Variants in NRXN1 observed in about 807,000 individuals in gnomAD.
NRXN1 encodes the protein neurexin 1.
NRXN1 carries 39 observed loss-of-function variants against 150.9 expected under a neutral mutation model. That is an observed-to-expected ratio of 0.26 (90% CI 0.20 to 0.34). NRXN1 has a LOEUF of 0.34. NRXN1 is among the 10% of genes least tolerant of loss of function. The probability of loss-of-function intolerance (pLI) is 1.00; values close to 1 mark genes in which losing one functional copy is unlikely to be tolerated. For missense variants in NRXN1, 1,815 were observed against 1,949.9 expected (o/e 0.93, Z 1.30); for synonymous variants, 924 against 757.0 (o/e 1.22, Z -3.62).
At chr2:50,216,300 G>A (rs532117436) in intron 18 of NRXN1, among the ~76,000 whole-genome samples, 1 of 152,006 alleles carries the variant, frequency 6.6e-6, no homozygotes, top group African/African-American at 2.4e-5. Context: ...ACATCTTAAT[G>A]TTTATAATTT....
At chr2:50,009,690 C>T (rs1018182621) in intron 21 of NRXN1, among the ~76,000 whole-genome samples, 3 of 152,124 alleles carry the variant, frequency 2.0e-5, no homozygotes, top group Non-Finnish European at 4.4e-5. Context: ...AAGAAAATTA[C>T]ACAGTACAGT....
At chr2:50,417,665 G>C (rs149320732) in intron 17 of NRXN1, among the ~76,000 whole-genome samples, 24 of 151,936 alleles carry the variant, frequency 1.6e-4, no homozygotes, top group African/African-American at 5.8e-4. Context: ...CCCTGTTAAA[G>C]CACATAGGAA....
chr2:50,780,216 G>A (rs1486068454), intron 5 of NRXN1, among the ~76,000 whole-genome samples: 5 of 152,004 alleles, frequency 3.3e-5, no homozygotes, highest in African/African-American at 1.2e-4. Flanking sequence ...TTGTAAATTT[G>A]TTTAAGTTCC....
chr2:50,989,295 T>C (rs1169377509), intron 2 of NRXN1, among the ~76,000 whole-genome samples: 3 of 151,960 alleles, frequency 2.0e-5, no homozygotes, highest in African/African-American at 7.2e-5. Context: ...ACATTCAATA[T>C]TTGAGTGAGA....
At chr2:50,599,129 C>T (rs1675821704) in intron 8 of NRXN1, among the ~76,000 whole-genome samples, 1 of 152,108 alleles carries the variant, frequency 6.6e-6, no homozygotes, top group South Asian at 2.1e-4. Flanking sequence ...TCACAAAAAC[C>T]GTATCTGTAG....
At chr2:50,595,583 G>A (rs1195865450) in intron 8 of NRXN1, among the ~76,000 whole-genome samples, 1 of 152,122 alleles carries the variant, frequency 6.6e-6, no homozygotes, top group Non-Finnish European at 1.5e-5. Context: ...TATGAGTGTG[G>A]CAAGTCCTCC....
chr2:50,690,789 T>C (rs560811092), intron 5 of NRXN1, among the ~76,000 whole-genome samples: 3 of 152,314 alleles, frequency 2.0e-5, no homozygotes, highest in East Asian at 1.9e-4. Flanking sequence ...AGATAAAATA[T>C]GTTAAGTACT....
chr2:50,916,051 G>C (rs530775585), intron 5 of NRXN1, among the ~76,000 whole-genome samples: 10 of 145,200 alleles, frequency 6.9e-5, no homozygotes, highest in Middle Eastern at 3.4e-3. Flanking sequence ...CGGCATTCTA[G>C]ATAAAAATCT....
intron 5 of NRXN1, among the ~76,000 whole-genome samples, chr2:50,638,552 T>C (rs115816040): frequency 0.012 from 1,847 of 152,304 alleles, 41 homozygotes; most frequent in African/African-American, 0.042. Context: ...CTCTTGAATA[T>C]GTAGTTATAA....
intron 8 of NRXN1, among the ~76,000 whole-genome samples, chr2:50,573,810 T>G (rs1232365969): frequency 2.0e-5 from 3 of 151,782 alleles, no homozygotes; most frequent in Non-Finnish European, 2.9e-5. Context: ...CTGTAACAAC[T>G]ATTTACATGG....
chr2:50,648,728 G>C (rs1685163299), intron 5 of NRXN1, among the ~76,000 whole-genome samples: 1 of 151,956 alleles, frequency 6.6e-6, no homozygotes, highest in African/African-American at 2.4e-5. Context: ...ACCCTAAATG[G>C]ATTTGGGTTC....
At chr2:50,842,906 C>T (rs1228335892) in intron 5 of NRXN1, among the ~76,000 whole-genome samples, 1 of 152,096 alleles carries the variant, frequency 6.6e-6, no homozygotes, top group African/African-American at 2.4e-5. Context: ...CTTAAGATTA[C>T]AGAATAGGAT....
chr2:50,588,032 C>G (rs1036372165), intron 8 of NRXN1, among the ~76,000 whole-genome samples: 1 of 152,126 alleles, frequency 6.6e-6, no homozygotes, highest in African/African-American at 2.4e-5. Context: ...GGCATTTTAT[C>G]TGTTAGCTAA....
At chr2:50,729,012 C>T (rs1015301130) in intron 5 of NRXN1, among the ~76,000 whole-genome samples, 1 of 151,856 alleles carries the variant, frequency 6.6e-6, no homozygotes, top group African/African-American at 2.4e-5. Context: ...TTTTTTTCCC[C>T]TGCATCAAAA....
At chr2:50,238,620 A>G (rs1014036939) in intron 17 of NRXN1, among the ~76,000 whole-genome samples, 47 of 152,102 alleles carry the variant, frequency 3.1e-4, no homozygotes, top group African/African-American at 1.2e-4. Flanking sequence ...ATGATTACCA[A>G]GTTTACCAGT....
chr2:50,430,006 T>C (rs1211250586), intron 17 of NRXN1, among the ~76,000 whole-genome samples: 4 of 152,270 alleles, frequency 2.6e-5, no homozygotes, highest in African/African-American at 9.6e-5. Flanking sequence ...TAAAACAGAA[T>C]ACACTCTGTC....
intron 2 of NRXN1, among the ~76,000 whole-genome samples, chr2:50,940,506 C>G (rs1254646340): frequency 6.7e-6 from 1 of 150,294 alleles, no homozygotes; most frequent in Admixed American, 6.6e-5. Context: ...AAAAGAAAAC[C>G]AAAGGCCACA....
At chr2:50,809,714 G>C (rs1667962592) in intron 5 of NRXN1, among the ~76,000 whole-genome samples, 1 of 152,130 alleles carries the variant, frequency 6.6e-6, no homozygotes, top group African/African-American at 2.4e-5. Context: ...GGGGATGACA[G>C]TTTATTGTGA....
intron 8 of NRXN1, among the ~76,000 whole-genome samples, chr2:50,563,270 T>C (rs185253136): frequency 6.6e-6 from 1 of 152,334 alleles, no homozygotes; most frequent in Admixed American, 6.5e-5. Context: ...TTACAATTAT[T>C]TGCAAAGTTA....
Sources: allele counts gnomAD v4.1 joint callset (sites outside exome capture counted in the v4.1 genomes callset), GRCh38; gene constraint gnomAD v4.1.1; transcripts MANE v1.5; gene names NCBI Gene and HGNC (gene_info 2026-07-23, HGNC 2026-07-21).